The following CDH17 variants were observed in gnomAD, a reference collection of about 807,000 sequenced individuals.
CDH17 encodes the protein cadherin-17.
CDH17 carries 67 observed loss-of-function variants against 86.3 expected under a neutral mutation model. The ratio of observed to expected loss-of-function variants is 0.78; its 90% CI spans 0.64 to 0.95. The LOEUF (loss-of-function observed/expected upper bound fraction) is 0.95, where lower values mean the gene tolerates loss of function less well. CDH17 is among the 40% of genes least tolerant of loss of function. The probability of loss-of-function intolerance (pLI) is 0.00; values close to 1 mark genes in which losing one functional copy is unlikely to be tolerated. For synonymous variants in CDH17, 367 were observed against 366.4 expected, an observed-to-expected ratio of 1.00 and a Z score of -0.02; for missense variants, 993 against 1,017.6, an observed-to-expected ratio of 0.98 and a Z score of 0.33.
At chr8:94,195,856 G>T (rs56005648) in intron 1 of CDH17, among the ~76,000 whole-genome samples, 1 of 151,810 alleles carries the variant, frequency 6.6e-6, no homozygotes, top group Non-Finnish European at 1.5e-5. Context: ...CGCCTCCCAG[G>T]TTTACACCAT....
chr8:94,201,361 G>C (rs1178039530), intron 1 of CDH17, among the ~76,000 whole-genome samples: 2 of 152,166 alleles, frequency 1.3e-5, no homozygotes. Context: ...AAGCACCTCA[G>C]AATGTGACTT....
intron 12 of CDH17, among the ~76,000 whole-genome samples, chr8:94,155,679 C>T (rs1269230451): frequency 6.6e-6 from 1 of 152,142 alleles, no homozygotes; most frequent in Non-Finnish European, 1.5e-5. Flanking sequence ...GTACGGCGAG[C>T]TGAGGAGTTG....
upstream of CDH17, among the ~76,000 whole-genome samples, chr8:94,211,186 A>C (rs1037609426): frequency 1.3e-5 from 2 of 152,164 alleles, no homozygotes; most frequent in Non-Finnish European, 2.9e-5. Context: ...TCCATAAATA[A>C]GTAATTAATT....
intron 17 of CDH17, among the ~76,000 whole-genome samples, chr8:94,128,835 G>T: frequency 6.6e-6 from 1 of 152,056 alleles, no homozygotes; most frequent in Admixed American, 6.6e-5. Flanking sequence ...ATTTCCTTGG[G>T]CGCCTTCCTC....
intron 15 of CDH17, among the ~76,000 whole-genome samples, chr8:94,142,231 G>A (rs1812652515): frequency 2.6e-5 from 4 of 152,114 alleles, no homozygotes; most frequent in African/African-American, 9.7e-5. Flanking sequence ...CTGCAATAAA[G>A]CAAATAGCTC....
In CDH17 at chr8:94,148,066, G is replaced by A. The variant is rs963000790; in HGVS notation, c.1927+678C>T. On this transcript the variant is annotated intron_variant, in intron 14 of 17. Coordinates refer to ENST00000027335, the MANE Select transcript of CDH17 (RefSeq NM_004063.4). ...GCTGAAGGAGCAAGTGGTGGTCTAC[G>A]TGAACAGGTCAGTGGTTTGATTCCA... Among the ~76,000 whole-genome samples, 5 of 152,302 alleles carry A rather than the reference G, an allele frequency of 3.3e-5. No individual in the cohort carries two copies. The East Asian group carries it at 5.8e-4, about 18-fold the overall frequency.
intron 3 of CDH17, among the ~76,000 whole-genome samples, chr8:94,178,511 T>A (rs904418725): frequency 6.6e-6 from 1 of 152,100 alleles, no homozygotes; most frequent in Non-Finnish European, 1.5e-5. Context: ...AACAAGTACA[T>A]GCTTATAGTG....
intron 1 of CDH17, among the ~76,000 whole-genome samples, chr8:94,215,862 G>GT (rs1814186458): frequency 1.4e-4 from 18 of 125,494 alleles, no homozygotes; most frequent in Non-Finnish European, 2.7e-4. Context: ...AAGTATACGA[G>GT]GTTTTTTTTT....
At chr8:94,193,788 C>T (rs548161925) in intron 2 of CDH17, among the ~76,000 whole-genome samples, 2 of 152,224 alleles carry the variant, frequency 1.3e-5, no homozygotes, top group East Asian at 3.9e-4. Context: ...GGGAGGAAGG[C>T]TCTGATAGTT....
chr8:94,198,050 A>C (rs1215112052), intron 1 of CDH17, among the ~76,000 whole-genome samples: 1 of 152,000 alleles, frequency 6.6e-6, no homozygotes, highest in Admixed American at 6.5e-5. Context: ...AACTCTTGCT[A>C]CTGTGCTTTA....
At chr8:94,199,038 GATATATATATAT>G (rs869128612) in intron 1 of CDH17, among the ~76,000 whole-genome samples, 103 of 73,280 alleles carry the variant, frequency 1.4e-3, no homozygotes, top group East Asian at 4.1e-3. Flanking sequence ...AGTTCTGATT[GATATATATATAT>G]ATATATATAT....
At chr8:94,202,937 C>A in intron 1 of CDH17, 1 of 324,466 alleles carries the variant, frequency 3.1e-6, no homozygotes, top group South Asian at 2.7e-5. Context: ...TTGGGCTTCC[C>A]CTTCTTGGGC....
At position 94,131,652 on chromosome 8, in the gene CDH17, T is replaced by C. The variant is rs1812418486; in HGVS notation, c.2168-660A>G. On this transcript the variant is annotated intron_variant, in intron 15 of 17. Coordinates refer to ENST00000027335, the MANE Select transcript of CDH17 (RefSeq NM_004063.4). The stretch of plus-strand genomic sequence containing the variant: ...TAGTTCAAAGCCATTTTTTTTTTTA[T>C]CATGGGTCATCTTTTAGGTTTGACC... 1.3e-5 allele frequency among the ~76,000 whole-genome samples: 2 copies of C among 151,706 alleles called. 1 individual carries two copies. The highest frequency in any genetic ancestry group is 1.3e-4 in the Admixed American group (2 of 15,208).
At chr8:94,148,579 G>A (rs1194299149) in intron 14 of CDH17, among the ~76,000 whole-genome samples, 165 bp downstream of exon 14, 3 of 138,892 alleles carry the variant, frequency 2.2e-5, no homozygotes, top group Non-Finnish European at 4.6e-5. Context: ...AGGAAGATAT[G>A]AGCACTCCCT....
In CDH17 at chr8:94,170,967, C is replaced by T. The variant is rs371108981; in HGVS notation, c.802G>A (p.Gly268Ser). 40 of 1,613,324 alleles carry T rather than the reference C, an allele frequency of 2.5e-5. No individual in the cohort carries two copies. Among genetic ancestry groups the T allele is most frequent in the African/African-American group, 9.4e-5 (7 of 74,828 alleles). ...TTGTCAACTAAGGAATATTGTGCAC[C>T]GGGATCATTCCACCGCACCTACAGG... ...KITQVRWNDPGAQYSLVDKEK... is the reference protein window; with the variant it reads ...KITQVRWNDPSAQYSLVDKEK... The change falls in exon 8 of 18, where the codon GGT becomes AGT. Residue 268 changes from glycine (G) to serine (S), a missense_variant. Physicochemically the swap from Gly to Ser is moderately conservative, Grantham distance 56. Transcript: ENST00000027335.
At chr8:94,154,279 T>C (rs191540693) in intron 12 of CDH17, among the ~76,000 whole-genome samples, 1 of 152,328 alleles carries the variant, frequency 6.6e-6, no homozygotes, top group East Asian at 1.9e-4. Flanking sequence ...ACTACGCTAA[T>C]ATGTCTTAGA....
At chr8:94,167,706 T>C (rs1046653916) in intron 9 of CDH17, among the ~76,000 whole-genome samples, 6 of 152,088 alleles carry the variant, frequency 3.9e-5, no homozygotes, top group Admixed American at 3.9e-4. Context: ...CCTCAGCAAG[T>C]GAGCAAGAAA....
chr8:94,173,693 A>G, intron 7 of CDH17, 104 bp downstream of exon 7: 2 of 851,058 alleles, frequency 2.4e-6, no homozygotes, highest in African/African-American at 3.3e-5. Flanking sequence ...TGCTATGAAA[A>G]AGGTATCTAA....
chr8:94,150,673 T>C (rs188726828), intron 13 of CDH17, among the ~76,000 whole-genome samples: 24 of 152,360 alleles, frequency 1.6e-4, no homozygotes, highest in African/African-American at 5.1e-4. Context: ...TAATGGTATA[T>C]GTATCCTTTC....
Sources: allele counts gnomAD v4.1 joint callset (sites outside exome capture counted in the v4.1 genomes callset), GRCh38; gene constraint gnomAD v4.1.1; transcripts MANE v1.5; gene names NCBI Gene and HGNC (gene_info 2026-07-23, HGNC 2026-07-21).